SHTN1: variants seen among roughly 807,000 people sequenced by gnomAD.
The protein encoded by SHTN1 is shootin 1.
SHTN1 carries 42 observed loss-of-function variants against 83.1 expected under a neutral mutation model. The observed-to-expected ratio is 0.51, with a 90% CI of 0.39 to 0.65. The LOEUF (loss-of-function observed/expected upper bound fraction) is 0.65. Among genes scored for constraint, SHTN1 ranks in the 30% least tolerant of loss-of-function variants. The probability of loss-of-function intolerance (pLI) is 0.00; values close to 1 mark genes in which losing one functional copy is unlikely to be tolerated. For missense variants in SHTN1, 622 were observed against 737.8 expected (o/e 0.84, Z 1.82); for synonymous variants, 224 against 247.7 (o/e 0.90, Z 0.90).
intron 14 of SHTN1, chr10:116,911,566 AG>A: frequency 6.4e-7 from 1 of 1,550,818 alleles, no homozygotes; most frequent in Middle Eastern, 1.7e-4. Context: ...CTTTGGTGAA[AG>A]TGTAACCACT....
chr10:117,045,814 G>C (rs142601714), intron 2 of SHTN1, among the ~76,000 whole-genome samples: 2 of 152,234 alleles, frequency 1.3e-5, no homozygotes, highest in African/African-American at 4.8e-5. Context: ...TTTCAGACTG[G>C]TATTTAAAGT....
chr10:117,116,111 G>A (rs999114108), intron 1 of SHTN1, among the ~76,000 whole-genome samples: 4 of 151,202 alleles, frequency 2.6e-5, no homozygotes, highest in Non-Finnish European at 5.9e-5. Context: ...TAATATGGAA[G>A]ATCAATGAAA....
At chr10:116,995,315 C>T (rs184991894) in intron 1 of SHTN1, among the ~76,000 whole-genome samples, 1 of 152,218 alleles carries the variant, frequency 6.6e-6, no homozygotes, top group Non-Finnish European at 1.5e-5. Flanking sequence ...GGTATGAACT[C>T]CAGAAATCTA....
chr10:116,887,991 T>C (rs1847218085), intron 16 of SHTN1, among the ~76,000 whole-genome samples: 1 of 149,624 alleles, frequency 6.7e-6, no homozygotes, highest in Admixed American at 6.7e-5. Context: ...CTTTTTTCAC[T>C]TTCTGACCAG....
At chr10:117,071,274 T>A (rs1853077764) in intron 1 of SHTN1, among the ~76,000 whole-genome samples, 1 of 152,196 alleles carries the variant, frequency 6.6e-6, no homozygotes, top group African/African-American at 2.4e-5. Context: ...TATTTGAAAG[T>A]CTATCTTCAG....
At chr10:117,041,739 C>G (rs1373727438) in intron 2 of SHTN1, among the ~76,000 whole-genome samples, 1 of 152,176 alleles carries the variant, frequency 6.6e-6, no homozygotes, top group East Asian at 1.9e-4. Flanking sequence ...ATATCTACCG[C>G]TAGCCCATCA....
chr10:117,086,399 G>C (rs931941558), intron 1 of SHTN1, among the ~76,000 whole-genome samples: 3 of 152,104 alleles, frequency 2.0e-5, no homozygotes, highest in African/African-American at 7.2e-5. Flanking sequence ...ACCACTCTGA[G>C]CGTCCTTGTC....
At chr10:117,005,198 C>T, upstream of SHTN1, 2 of 1,525,492 alleles carry the variant, frequency 1.3e-6, no homozygotes, top group Non-Finnish European at 1.8e-6. Context: ...GAAGTTGGAT[C>T]CGCTCCCGCT....
chr10:117,107,063 T>C (rs912255269), intron 1 of SHTN1, among the ~76,000 whole-genome samples: 1 of 152,188 alleles, frequency 6.6e-6, no homozygotes, highest in African/African-American at 2.4e-5. Flanking sequence ...AAACCTCCAC[T>C]TATATTCCCA....
At chr10:117,041,889 GAACC>G (rs1852589515) in intron 2 of SHTN1, among the ~76,000 whole-genome samples, 1 of 152,090 alleles carries the variant, frequency 6.6e-6, no homozygotes, top group Non-Finnish European at 1.5e-5. Flanking sequence ...TTTACTTAAA[GAACC>G]AACAGAATGA....
At chr10:116,941,152 AC>A in intron 8 of SHTN1, among the ~76,000 whole-genome samples, 1 of 152,246 alleles carries the variant, frequency 6.6e-6, no homozygotes. Flanking sequence ...AAGTTAAGCA[AC>A]TTTCCCAAGA....
chr10:117,043,121 ATATTTATT>A lies in SHTN1; in HGVS notation c.-123+5316_-123+5323del, dbSNP rs71013634. On this transcript the variant is annotated intron_variant, in intron 2 of 17. Coordinates refer to the SHTN1 transcript ENST00000392901. ...TTCCATCTCCTAAAAGTGGATCTTTATATTTATTTATTTATTTATTTATTTATTTTTAA... is the reference window on the plus strand; with the variant it reads ...TTCCATCTCCTAAAAGTGGATCTTTATATTTATTTATTTATTTATTTTTAA... Among the ~76,000 whole-genome samples the A allele has an allele frequency of 3.9e-3, 574 of 147,946 alleles. 1 individual carries two copies. The highest frequency in any genetic ancestry group is 5.2e-3 in the Admixed American group (77 of 14,786).
chr10:117,051,525 G>A (rs1375270343), intron 1 of SHTN1, among the ~76,000 whole-genome samples: 1 of 152,008 alleles, frequency 6.6e-6, no homozygotes. Context: ...CAAAATACTA[G>A]TATACCAAAT....
chr10:116,890,048 G>A (rs1270582717), intron 16 of SHTN1, among the ~76,000 whole-genome samples: 1 of 152,176 alleles, frequency 6.6e-6, no homozygotes, highest in Non-Finnish European at 1.5e-5. Flanking sequence ...TCTCACTCTA[G>A]TAGTCATGGT....
At chr10:116,908,448 T>C (rs1416395177) in intron 14 of SHTN1, among the ~76,000 whole-genome samples, 1 of 152,082 alleles carries the variant, frequency 6.6e-6, no homozygotes, top group African/African-American at 2.4e-5. Context: ...ATACAGAAAA[T>C]AGAACCATAG....
chr10:116,968,482 G>A (rs1850480390), intron 3 of SHTN1, among the ~76,000 whole-genome samples, 170 bp downstream of exon 3: 1 of 152,144 alleles, frequency 6.6e-6, no homozygotes, highest in Non-Finnish European at 1.5e-5. Context: ...GTTTATTCCA[G>A]TTCTTTAAAG....
chr10:117,005,366 G>C, upstream of SHTN1: 10 of 1,232,262 alleles, frequency 8.1e-6, no homozygotes, highest in Non-Finnish European at 1.0e-5. Context: ...ATGCCAGCCT[G>C]TGGCTGCCGG....
intron 1 of SHTN1, among the ~76,000 whole-genome samples, chr10:117,086,093 T>C (rs1200395451): frequency 6.6e-6 from 1 of 152,076 alleles, no homozygotes; most frequent in African/African-American, 2.4e-5. Flanking sequence ...GCTAATTTTT[T>C]TATTTTAGTA....
Position 116,951,927 on chromosome 10 carries a change from G to A in SHTN1, c.516C>T (p.Leu172=), listed in dbSNP as rs201807485. 3.3e-5 allele frequency: 53 copies of A among 1,587,524 alleles called. No individual in the cohort carries two copies. Among genetic ancestry groups the A allele is most frequent in the African/African-American group, 6.7e-5 (5 of 74,408 alleles). The change falls in exon 6 of 17, where the codon CTC becomes CTT. Residue 172 remains leucine, a synonymous_variant. Coordinates refer to ENST00000355371, the MANE Select transcript of SHTN1 (RefSeq NM_001127211.3). ...TACATACTTCTTCAATTACTTCTACGAGTTTGCTCTTGAGATTTTCCAGCT... is the reference window on the plus strand; with the variant it reads ...TACATACTTCTTCAATTACTTCTACAAGTTTGCTCTTGAGATTTTCCAGCT... ...AIELENLKSK[L]VEVIEEVNKV... is the part of the protein sequence containing the mutation.
Sources: allele counts gnomAD v4.1 joint callset (sites outside exome capture counted in the v4.1 genomes callset), GRCh38; gene constraint gnomAD v4.1.1; transcripts MANE v1.5; gene names NCBI Gene and HGNC (gene_info 2026-07-23, HGNC 2026-07-21).